The following CLMN variants were observed in gnomAD, a reference collection of about 807,000 sequenced individuals.
CLMN encodes calmin.
A neutral mutation model predicts 92.7 loss-of-function variants in CLMN; 57 were observed. The observed-to-expected ratio is 0.61, with a 90% CI of 0.50 to 0.77. The LOEUF is 0.77. Among genes scored for constraint, CLMN ranks in the 30% least tolerant of loss-of-function variants. The probability of loss-of-function intolerance (pLI) is 0.00; values close to 1 mark genes in which losing one functional copy is unlikely to be tolerated. For synonymous variants in CLMN, 466 were observed against 470.6 expected, an observed-to-expected ratio of 0.99 and a Z score of 0.13; for missense variants, 1,158 against 1,237.5, an observed-to-expected ratio of 0.94 and a Z score of 0.96.
At chr14:95,193,774 C>A (rs922297962) in intron 12 of CLMN, 75 bp downstream of exon 12, 2 of 1,566,608 alleles carry the variant, frequency 1.3e-6, no homozygotes, top group Non-Finnish European at 8.7e-7. Flanking sequence ...AGAATAACCA[C>A]CCCTGTAAGG....
intron 1 of CLMN, among the ~76,000 whole-genome samples, chr14:95,249,063 A>G (rs1306737249): frequency 2.1e-5 from 3 of 146,324 alleles, no homozygotes; most frequent in African/African-American, 8.2e-5. Flanking sequence ...ACAGAAAAAA[A>G]GGCACATGGA....
chr14:95,194,721 G>T lies in CLMN; in HGVS notation c.2709-125C>A. 1 of 776,834 alleles carries T rather than the reference G, an allele frequency of 1.3e-6. No homozygotes were observed. Among genetic ancestry groups the T allele is most frequent in the Non-Finnish European group, 2.2e-6 (1 of 451,438 alleles). The allele number at this position is 776,834 out of a possible 1,614,324, so 48.1% of individuals were successfully genotyped here. A position where few individuals can be genotyped will look rare whatever the true frequency, so the allele number is the denominator to read the frequency against. Reference sequence around the variant, plus strand: ...GGCAAGCGACAACTTCACAGCCAGGGACAGAAATGACAGATTTTATATCTA... The same window carrying T: ...GGCAAGCGACAACTTCACAGCCAGGTACAGAAATGACAGATTTTATATCTA... On this transcript the variant is annotated intron_variant, in intron 10 of 12. Transcript: ENST00000298912. The surrounding 1 kb of genome is among the most constrained non-coding windows in gnomAD (Gnocchi z 4.0).
At chr14:95,314,031 T>C (rs1901655483) in intron 1 of CLMN, among the ~76,000 whole-genome samples, 1 of 152,216 alleles carries the variant, frequency 6.6e-6, no homozygotes, top group South Asian at 2.1e-4. Flanking sequence ...CGTGATTCTG[T>C]GGCGAAACTT....
intron 1 of CLMN, chr14:95,307,477 C>T (rs1373376241): frequency 6.6e-6 from 1 of 152,404 alleles, no homozygotes; most frequent in Non-Finnish European, 1.5e-5. Flanking sequence ...TGCTGTTCCT[C>T]TTCCTTTCCT....
chr14:95,318,025 CCTT>C (rs1178755132), intron 1 of CLMN, among the ~76,000 whole-genome samples: 1 of 152,072 alleles, frequency 6.6e-6, no homozygotes, highest in Admixed American at 6.5e-5. Context: ...TTCTGTAAAG[CCTT>C]CTCCCACCGT....
chr14:95,194,033 C>A lies in CLMN; in HGVS notation c.2770-114G>T. ...ACAAAGCCGAGCATGCCGGGCATTT[C>A]TCAATACCGCCAGCGTCTAGATCCA... On this transcript the variant is annotated intron_variant, in intron 11 of 12. Transcript: ENST00000298912. The surrounding 1 kb of genome is among the most constrained non-coding windows in gnomAD (Gnocchi z 4.0). The A allele has an allele frequency of 6.6e-7, 1 of 1,512,066 alleles. No homozygotes were observed. The highest frequency in any genetic ancestry group is 8.8e-7 in the Non-Finnish European group (1 of 1,133,858). 93.7% of individuals were successfully genotyped at this position (1,512,066 alleles called of 1,614,324 possible).
Position 95,203,586 on chromosome 14 carries a change from T to C in CLMN, c.1763A>G (p.Glu588Gly). 1 of 1,614,160 alleles carries C rather than the reference T, an allele frequency of 6.2e-7. No homozygotes were observed. Among genetic ancestry groups the C allele is most frequent in the East Asian group, 2.2e-5 (1 of 44,890 alleles). The change falls in exon 9 of 13, where the codon GAG becomes GGG. Residue 588 changes from glutamate to glycine, a missense_variant. Physicochemically the swap from Glu to Gly is moderately conservative, Grantham distance 98 (BLOSUM62 -2). Coordinates refer to ENST00000298912, the MANE Select transcript of CLMN (RefSeq NM_024734.4). Reference sequence around the variant, plus strand: ...CTCAGCATCCTCGTCAGGTTTTGTCTCATGAGGTGAAGGAACTTTGTTGAA... The same window carrying C: ...CTCAGCATCCTCGTCAGGTTTTGTCCCATGAGGTGAAGGAACTTTGTTGAA... Reference protein sequence around the residue: ...QAFNKVPSPHETKPDEDAEAF... With the variant: ...QAFNKVPSPHGTKPDEDAEAF...
At chr14:95,252,597 C>T (rs1349785510) in intron 1 of CLMN, among the ~76,000 whole-genome samples, 2 of 152,198 alleles carry the variant, frequency 1.3e-5, no homozygotes, top group African/African-American at 4.8e-5. Flanking sequence ...GTGGGAATGG[C>T]TACACCCAAC....
chr14:95,230,047 A>T (rs117686013), intron 2 of CLMN, 25 bp downstream of exon 2: 24,858 of 1,608,650 alleles, frequency 0.015, 241 homozygotes, highest in Non-Finnish European at 0.019. Context: ...TCTATCACTT[A>T]GCAAACACCC....
In CLMN at chr14:95,213,085, C is replaced by T. The variant is rs570120877; in HGVS notation, c.608+134G>A. ...TACAGGCATGAGCCACCGCGCCTGC[C>T]CCCTGTTCTGATATTCTATATGAAG... On this transcript the variant is annotated intron_variant, in intron 6 of 12. Coordinates refer to ENST00000298912, the MANE Select transcript of CLMN (RefSeq NM_024734.4). The T allele has an allele frequency of 1.3e-3, 1,323 of 990,142 alleles. 9 individuals are homozygous for T. In the African/African-American group the frequency reaches 0.02, roughly 15 times the overall value. The allele number at this position is 990,142 out of a possible 1,614,324, so 61.3% of individuals were successfully genotyped here.
rs769121589 is a variant in CLMN at position 95,204,188 on chromosome 14, G to A, written c.1161C>T (p.Val387=). The part of the protein sequence containing the change: ...TEFMHQIIDQ[V]LQGGPGKTSD... ...TGGTCTTACCTGGGCCCCCTTGCAG[G>A]ACCTGGTCAATAATCTGGTGCATGA... The change falls in exon 9 of 13, where the codon GTC becomes GTT. Residue 387 remains valine, a synonymous_variant. Transcript: ENST00000298912. The A allele has an allele frequency of 1.2e-6, 2 of 1,614,126 alleles. No individual in the cohort carries two copies. Among genetic ancestry groups the A allele is most frequent in the South Asian group, 2.2e-5 (2 of 91,072 alleles).
chr14:95,243,089 C>G (rs1898319973), intron 1 of CLMN, among the ~76,000 whole-genome samples: 1 of 152,198 alleles, frequency 6.6e-6, no homozygotes, highest in Admixed American at 6.5e-5. Flanking sequence ...TGTGTTATAA[C>G]AAAACTTTCT....
intron 1 of CLMN, among the ~76,000 whole-genome samples, chr14:95,310,013 C>A (rs946610108): frequency 6.6e-6 from 1 of 152,202 alleles, no homozygotes; most frequent in Non-Finnish European, 1.5e-5. Flanking sequence ...CAGGTCTTCC[C>A]TTTTCTGGCT....
At chr14:95,244,892 C>A (rs939512817) in intron 1 of CLMN, among the ~76,000 whole-genome samples, 51 of 151,498 alleles carry the variant, frequency 3.4e-4, no homozygotes, top group African/African-American at 1.2e-3. Flanking sequence ...CAACAGGAAT[C>A]TCATAACCAC....
chr14:95,298,033 C>T (rs1325483374), intron 1 of CLMN, among the ~76,000 whole-genome samples: 1 of 152,176 alleles, frequency 6.6e-6, no homozygotes, highest in Non-Finnish European at 1.5e-5. Context: ...CCCCCAGCAG[C>T]ACACGAGAGC....
chr14:95,210,526 A>G (rs1897166462), intron 7 of CLMN, among the ~76,000 whole-genome samples, 160 bp downstream of exon 7: 2 of 152,236 alleles, frequency 1.3e-5, no homozygotes, highest in African/African-American at 4.8e-5. Context: ...GAGGCATATA[A>G]AATATCGGAA....
chr14:95,319,298 C>T (rs1157013965), intron 1 of CLMN, among the ~76,000 whole-genome samples: 1 of 120,882 alleles, frequency 8.3e-6, no homozygotes, highest in Admixed American at 8.5e-5. Flanking sequence ...AGGAAGTGCG[C>T]GAACTCACAC....
chr14:95,232,864 A>G (rs774014432), intron 1 of CLMN, among the ~76,000 whole-genome samples: 1 of 152,228 alleles, frequency 6.6e-6, no homozygotes, highest in Non-Finnish European at 1.5e-5. Context: ...GTGGATGGAC[A>G]TCAAGACTGC....
intron 1 of CLMN, among the ~76,000 whole-genome samples, chr14:95,253,816 A>G (rs28360958): frequency 0.15 from 22,428 of 151,770 alleles, 2,785 homozygotes; most frequent in African/African-American, 0.33. Context: ...GGGTTTCACC[A>G]TGTTAGCCAG....
Sources: gnomAD v4.1 joint callset for allele counts (sites outside exome capture counted in the v4.1 genomes callset) on GRCh38, gnomAD v4.1.1 for gene constraint, Gnocchi (gnomAD v3.1) non-coding constraint, MANE v1.5 for transcripts, NCBI Gene and HGNC (gene_info 2026-07-23, HGNC 2026-07-21) for gene names.